XKR9: variants seen among roughly 807,000 people sequenced by gnomAD.
The protein encoded by XKR9 is XK-related protein 9.
XKR9 carries 32 observed loss-of-function variants against 32.0 expected under a neutral mutation model. That is an observed-to-expected ratio of 1.00 (90% CI 0.76 to 1.34). XKR9 has a LOEUF of 1.34. Ranked by LOEUF, XKR9 falls within the 40% of genes most tolerant of loss-of-function variation. XKR9 has a pLI of 0.00. For missense variants in XKR9, 546 were observed against 429.7 expected, an observed-to-expected ratio of 1.27 and a Z score of -2.39; for synonymous variants, 168 against 143.4, an observed-to-expected ratio of 1.17 and a Z score of -1.22.
At chr8:70,907,355 AGAATAGATCACAC>A in the XKR9 span, among the ~76,000 whole-genome samples, 1 of 152,222 alleles carries the variant, frequency 6.6e-6, no homozygotes, top group Non-Finnish European at 1.5e-5. Flanking sequence ...TAATAGTGAT[AGAATAGATCACAC>A]TTCCTATTTT....
chr8:70,717,676 CA>C (rs1456413710), intron 4 of XKR9, among the ~76,000 whole-genome samples: 1 of 152,118 alleles, frequency 6.6e-6, no homozygotes, highest in Non-Finnish European at 1.5e-5. Flanking sequence ...GAAGGGGCTG[CA>C]GTAAAGGTCT....
the XKR9 span, among the ~76,000 whole-genome samples, chr8:71,011,453 T>C: frequency 6.6e-6 from 1 of 152,234 alleles, no homozygotes. Flanking sequence ...AGACTCTTGG[T>C]TATTTCATTC....
chr8:70,793,696 A>G (rs1048989830), downstream of XKR9, among the ~76,000 whole-genome samples: 2 of 152,204 alleles, frequency 1.3e-5, no homozygotes, highest in Admixed American at 6.6e-5. Flanking sequence ...ACTTACAATT[A>G]TAATCCACTA....
intron 3 of XKR9, 29 bp from the exon 4 acceptor site, chr8:70,706,904 A>G: frequency 6.5e-7 from 1 of 1,542,154 alleles, no homozygotes. Context: ...ATATAAAACT[A>G]AAGAGAAATG....
chr8:70,812,592 A>G, the XKR9 span, among the ~76,000 whole-genome samples: 1 of 152,218 alleles, frequency 6.6e-6, no homozygotes, highest in East Asian at 1.9e-4. Flanking sequence ...ACTTTGGCAA[A>G]GTCTCAGGAT....
chr8:70,905,547 C>G, the XKR9 span, among the ~76,000 whole-genome samples: 55 of 152,232 alleles, frequency 3.6e-4, no homozygotes, highest in African/African-American at 1.3e-3. Flanking sequence ...TTTTTAGCTT[C>G]CTTGTGATGA....
chr8:70,696,712 C>A (rs1019010816), intron 3 of XKR9, among the ~76,000 whole-genome samples: 23 of 148,608 alleles, frequency 1.5e-4, no homozygotes, highest in African/African-American at 5.7e-4. Context: ...TTTTCCAATT[C>A]TGTGAAGAAA....
At chr8:70,888,736 G>A in the XKR9 span, among the ~76,000 whole-genome samples, 1 of 151,780 alleles carries the variant, frequency 6.6e-6, no homozygotes, top group Non-Finnish European at 1.5e-5. Flanking sequence ...AATGTTCTTG[G>A]CACATTTGTA....
the XKR9 span, among the ~76,000 whole-genome samples, chr8:70,968,801 G>A: frequency 6.6e-6 from 1 of 152,194 alleles, no homozygotes; most frequent in African/African-American, 2.4e-5. Flanking sequence ...AACAAAGATA[G>A]CAACCTGCTC....
rs1298505269 is a variant in XKR9 at position 70,680,783 on chromosome 8, C to T, written c.-276C>T. 4.4e-6 allele frequency: 1 copy of T among 225,468 alleles called. No individual in the cohort carries two copies. Among genetic ancestry groups the T allele is most frequent in the Non-Finnish European group, 8.7e-6 (1 of 115,458 alleles). 14.0% of individuals were successfully genotyped at this position (225,468 alleles called of 1,614,324 possible). ...CTTAAATATCTGTTTTATTTTAGGT[C>T]TTGTCATCTGTAATGAAGATCATTG... On this transcript the variant is annotated splice_region_variant and 5_prime_UTR_variant, in exon 3 of 5. Coordinates refer to ENST00000408926, the MANE Select transcript of XKR9 (RefSeq NM_001011720.2).
chr8:70,801,898 T>C, the XKR9 span, among the ~76,000 whole-genome samples: 61,326 of 151,836 alleles, frequency 0.4, 13,915 homozygotes, highest in Non-Finnish European at 0.52. Context: ...TGAATTGAAC[T>C]GTTTCCCATT....
At chr8:70,776,359 ATAAT>A (rs1196192230) in intron 2 of XKR9, among the ~76,000 whole-genome samples, 1 of 152,190 alleles carries the variant, frequency 6.6e-6, no homozygotes, top group Non-Finnish European at 1.5e-5. Flanking sequence ...AAAAATTTAA[ATAAT>A]AGTACCTTTT....
chr8:70,972,093 A>G, the XKR9 span, among the ~76,000 whole-genome samples: 3 of 152,294 alleles, frequency 2.0e-5, no homozygotes, highest in Middle Eastern at 3.4e-3. Flanking sequence ...AGCCGTGAGC[A>G]TGGATGTGTT....
chr8:71,060,611 G>A, the XKR9 span, among the ~76,000 whole-genome samples: 1 of 152,102 alleles, frequency 6.6e-6, no homozygotes, highest in African/African-American at 2.4e-5. Context: ...GACAGAAATG[G>A]CAATTAGGGG....
chr8:70,788,150 G>A (rs1421087106), intron 2 of XKR9, among the ~76,000 whole-genome samples: 1 of 152,076 alleles, frequency 6.6e-6, no homozygotes, highest in East Asian at 1.9e-4. Flanking sequence ...GATCAGTTCT[G>A]TGTGATTATG....
At chr8:70,966,507 A>G in the XKR9 span, among the ~76,000 whole-genome samples, 3 of 152,152 alleles carry the variant, frequency 2.0e-5, no homozygotes, top group South Asian at 6.2e-4. Context: ...GTTCTTTTGC[A>G]TTTGCTGAGG....
At chr8:70,689,380 T>C (rs1036652990) in intron 3 of XKR9, among the ~76,000 whole-genome samples, 3 of 151,282 alleles carry the variant, frequency 2.0e-5, no homozygotes, top group Non-Finnish European at 4.4e-5. Context: ...CATACTTTCA[T>C]ACCTTGTTCA....
At chr8:70,673,981 G>C (rs1351481903) in intron 1 of XKR9, among the ~76,000 whole-genome samples, 1 of 152,064 alleles carries the variant, frequency 6.6e-6, no homozygotes, top group Non-Finnish European at 1.5e-5. Context: ...CTTTCTAGAG[G>C]GTCATAACCA....
chr8:70,857,575 A>G, the XKR9 span, among the ~76,000 whole-genome samples: 10 of 152,220 alleles, frequency 6.6e-5, no homozygotes, highest in African/African-American at 2.2e-4. Context: ...AAACTATTCC[A>G]ATCAATAGAA....
Sources: gnomAD v4.1 joint callset for allele counts (sites outside exome capture counted in the v4.1 genomes callset) on GRCh38, gnomAD v4.1.1 for gene constraint, MANE v1.5 for transcripts, NCBI Gene and HGNC (gene_info 2026-07-23, HGNC 2026-07-21) for gene names.